Variants in CELF2 observed in about 807,000 individuals in gnomAD.
The protein encoded by CELF2 is CUG triplet repeat RNA-binding protein 2.
Under a neutral mutation model 62.6 loss-of-function variants are expected in CELF2, and 8 were observed. That is an observed-to-expected ratio of 0.13 (90% CI 0.07 to 0.23). The LOEUF (loss-of-function observed/expected upper bound fraction) is 0.23, where lower values mean the gene tolerates loss of function less well. Ranked by LOEUF, CELF2 falls within the 10% of genes least tolerant of loss-of-function variation. CELF2 has a pLI of 1.00. For missense variants in CELF2, 333 were observed against 671.0 expected, an observed-to-expected ratio of 0.50 and a Z score of 5.56; for synonymous variants, 258 against 250.0, an observed-to-expected ratio of 1.03 and a Z score of -0.30.
chr10:10,657,102 A>T, the CELF2 span, among the ~76,000 whole-genome samples: 1 of 152,308 alleles, frequency 6.6e-6, no homozygotes, highest in African/African-American at 2.4e-5. Flanking sequence ...TAGAGGCTAC[A>T]GCATGGTTGA....
chr10:10,531,545 C>T, the CELF2 span, among the ~76,000 whole-genome samples: 1 of 152,154 alleles, frequency 6.6e-6, no homozygotes, highest in African/African-American at 2.4e-5. Context: ...CTGAATCAGT[C>T]TCTTTGGACT....
upstream of CELF2, among the ~76,000 whole-genome samples, chr10:11,003,806 A>G (rs2054765193): frequency 6.6e-6 from 1 of 152,070 alleles, no homozygotes; most frequent in Non-Finnish European, 1.5e-5. This position sits in a 1 kb window ranked among gnomAD's most constrained non-coding sequence, Gnocchi z 4.4. Context: ...TTATATATTC[A>G]CTGTAACTTT....
chr10:10,850,741 G>A (rs1399991790), intron 1 of CELF2, among the ~76,000 whole-genome samples: 1 of 152,134 alleles, frequency 6.6e-6, no homozygotes, highest in African/African-American at 2.4e-5. Flanking sequence ...CTAATGGGGT[G>A]CACAATATTA....
the CELF2 span, among the ~76,000 whole-genome samples, chr10:10,727,129 T>C: frequency 6.6e-5 from 10 of 152,176 alleles, no homozygotes; most frequent in Non-Finnish European, 1.3e-4. Flanking sequence ...AGGCCCCGCT[T>C]CCAATACTGG....
chr10:11,132,560 AAAC>A (rs2131890839), intron 1 of CELF2, among the ~76,000 whole-genome samples: 1 of 152,364 alleles, frequency 6.6e-6, no homozygotes, highest in Non-Finnish European at 1.5e-5. Context: ...ATTATGTATT[AAAC>A]AAGACAGGGC....
intron 2 of CELF2, among the ~76,000 whole-genome samples, chr10:11,209,897 T>C (rs2061388331): frequency 6.6e-6 from 1 of 152,230 alleles, no homozygotes. Flanking sequence ...TTAAACTGGC[T>C]TGCATGCTAC....
intron 3 of CELF2, among the ~76,000 whole-genome samples, chr10:11,245,293 C>T (rs2075269100): frequency 6.6e-6 from 1 of 152,026 alleles, no homozygotes. Flanking sequence ...ACTCCTCCCA[C>T]CCATTTTTTT....
rs2082589874 is a variant in CELF2, at chr10:11,267,816, G to A, written c.618+1139G>A. On this transcript the variant is annotated intron_variant, in intron 6 of 12. Coordinates refer to ENST00000633077, the MANE Select transcript of CELF2 (RefSeq NM_001326342.2). This position sits in a 1 kb window ranked among gnomAD's most constrained non-coding sequence, Gnocchi z 4.4. The stretch of plus-strand genomic sequence containing the variant: ...CAAAAGGTGGGTGCAAAGGGGGGAA[G>A]GAGTGTGCATGGCATTGTCATTCAG... Among the ~76,000 whole-genome samples the A allele has an allele frequency of 6.6e-6, 1 of 152,182 alleles. No individual in the cohort carries two copies. The highest frequency in any genetic ancestry group is 1.5e-5 in the Non-Finnish European group (1 of 68,010).
chr10:11,287,594 A>T (rs1265658229), intron 8 of CELF2, among the ~76,000 whole-genome samples: 1 of 152,234 alleles, frequency 6.6e-6, no homozygotes, highest in Non-Finnish European at 1.5e-5. Flanking sequence ...GTAAATACAA[A>T]TATTTTACAA....
At chr10:10,703,143 C>A in the CELF2 span, among the ~76,000 whole-genome samples, 1 of 152,180 alleles carries the variant, frequency 6.6e-6, no homozygotes, top group Non-Finnish European at 1.5e-5. Flanking sequence ...CCTACAGATT[C>A]TATAAAATAA....
Position 11,158,000 on chromosome 10 carries a change from A to G in CELF2, c.75-7486A>G, listed in dbSNP as rs2133025752. ...TCATTTGTTGTTGGACTGTGGAGGCAGTGGGGGACATTGTGTTAAAAATCA... is the reference window on the plus strand; with the variant it reads ...TCATTTGTTGTTGGACTGTGGAGGCGGTGGGGGACATTGTGTTAAAAATCA... On this transcript the variant is annotated intron_variant, in intron 1 of 12. Coordinates refer to ENST00000633077, the MANE Select transcript of CELF2 (RefSeq NM_001326342.2). The surrounding 1 kb of genome is among the most constrained non-coding windows in gnomAD (Gnocchi z 4.9). 6.6e-6 allele frequency among the ~76,000 whole-genome samples: 1 copy of G among 152,352 alleles called. No individual in the cohort carries two copies. Among genetic ancestry groups the G allele is most frequent in the South Asian group, 2.1e-4 (1 of 4,830 alleles).
chr10:11,059,039 G>A (rs140838387), intron 1 of CELF2, among the ~76,000 whole-genome samples: 20 of 152,228 alleles, frequency 1.3e-4, no homozygotes, highest in African/African-American at 3.6e-4. Context: ...TTCCTTGGCC[G>A]CACAAAGTGC....
the CELF2 span, among the ~76,000 whole-genome samples, chr10:10,464,087 G>T: frequency 4.6e-5 from 7 of 151,776 alleles, no homozygotes; most frequent in African/African-American, 1.2e-4. Flanking sequence ...TAATTGTGTC[G>T]CTCTATATTT....
chr10:11,328,994 G>A lies in CELF2; in HGVS notation c.1507G>A (p.Gly503Ser). 1 of 1,613,768 alleles carries A rather than the reference G, an allele frequency of 6.2e-7. No individual in the cohort carries two copies. Among genetic ancestry groups the A allele is most frequent in the Non-Finnish European group, 8.5e-7 (1 of 1,179,764 alleles). ...CCAAGCTATGAATGGCTTTCAGATC[G>A]GCATGAAACGCTTGAAGGTGCAGCT... ...AIQAMNGFQI[G>S]MKRLKVQLKR... The change falls in exon 13 of 13, where the codon GGC becomes AGC. Residue 503 changes from glycine (G) to serine (S), a missense_variant. Coordinates refer to ENST00000633077, the MANE Select transcript of CELF2 (RefSeq NM_001326342.2). The surrounding 1 kb of genome is among the most constrained non-coding windows in gnomAD (Gnocchi z 6.4).
At chr10:11,320,988 G>T in intron 10 of CELF2, 1 of 1,444,366 alleles carries the variant, frequency 6.9e-7, no homozygotes, top group Non-Finnish European at 9.4e-7. Flanking sequence ...GGGAGTGAGG[G>T]TTCTCATGGC....
At chr10:11,172,882 T>A (rs1565080688) in intron 2 of CELF2, among the ~76,000 whole-genome samples, 1 of 152,184 alleles carries the variant, frequency 6.6e-6, no homozygotes, top group Non-Finnish European at 1.5e-5. Context: ...AGCAGAAGAA[T>A]AAAGAAAACA....
intron 3 of CELF2, among the ~76,000 whole-genome samples, chr10:11,239,182 A>G (rs766788101): frequency 1.3e-5 from 2 of 151,938 alleles, no homozygotes; most frequent in Non-Finnish European, 2.9e-5. Flanking sequence ...GCAATATTTT[A>G]TTTTATTTTA....
At chr10:10,724,088 C>A in the CELF2 span, among the ~76,000 whole-genome samples, 1 of 152,180 alleles carries the variant, frequency 6.6e-6, no homozygotes, top group Non-Finnish European at 1.5e-5. Flanking sequence ...AGAGGCCCTG[C>A]TCTTGAACTC....
the CELF2 span, among the ~76,000 whole-genome samples, chr10:10,709,940 G>C: frequency 6.6e-6 from 1 of 152,206 alleles, no homozygotes; most frequent in Non-Finnish European, 1.5e-5. Context: ...AGAAGGGGGA[G>C]CTTTCTTCCC....
Sources: allele counts gnomAD v4.1 joint callset (sites outside exome capture counted in the v4.1 genomes callset), GRCh38; gene constraint gnomAD v4.1.1; non-coding constraint Gnocchi (gnomAD v3.1); transcripts MANE v1.5; gene names NCBI Gene and HGNC (gene_info 2026-07-23, HGNC 2026-07-21).